Variants in ERAP2 observed in about 807,000 individuals in gnomAD.
The protein encoded by ERAP2 is leukocyte-derived arginine aminopeptidase.
ERAP2 carries 118 observed loss-of-function variants against 111.1 expected under a neutral mutation model. That is an observed-to-expected ratio of 1.06 (90% CI 0.92 to 1.24). ERAP2 has a LOEUF of 1.24. ERAP2 is among the 50% of genes most tolerant of loss of function. ERAP2 has a pLI of 0.00. For synonymous variants in ERAP2, 410 were observed against 401.2 expected, an observed-to-expected ratio of 1.02 and a Z score of -0.26; for missense variants, 1,131 against 1,125.8, an observed-to-expected ratio of 1.00 and a Z score of -0.07.
In ERAP2 at chr5:96,902,346, A is replaced by G; in HGVS notation, c.1821A>G (p.Ser607=). Residue 607 remains serine (S), a synonymous_variant, in exon 12 of 19, where the codon TCA becomes TCG. Coordinates refer to ENST00000437043, the MANE Select transcript of ERAP2 (RefSeq NM_022350.5). ...SNVIHRHILK[S]KTDTLDLPEK... ...TGATCCACAGACACATTCTAAAATC[A>G]AAGACAGGTAATGAACTAATTAGCC... 1.2e-6 allele frequency: 2 copies of G among 1,606,950 alleles called. No homozygotes were observed. The highest frequency in any genetic ancestry group is 1.7e-6 in the Non-Finnish European group (2 of 1,173,694).
At chr5:96,891,570 G>A (rs1784400609) in intron 5 of ERAP2, among the ~76,000 whole-genome samples, 1 of 128,116 alleles carries the variant, frequency 7.8e-6, no homozygotes. Context: ...ACACATATAT[G>A]GTACACACAC....
At position 96,879,691 on chromosome 5, in the gene ERAP2, C is replaced by T. The variant is rs1358129437; in HGVS notation, c.6C>T (p.Phe2=). 6.2e-7 allele frequency: 1 copy of T among 1,612,594 alleles called. No homozygotes were observed. The highest frequency in any genetic ancestry group is 1.3e-5 in the African/African-American group (1 of 75,002). The change falls in exon 2 of 19, where the codon TTC becomes TTT. Residue 2 remains phenylalanine, a synonymous_variant. Transcript: ENST00000437043. M[F]HSSAMVNSHR... ...TCTTCTAGAGAATAGATTTCATGTT[C>T]CATTCTTCTGCAATGGTTAATTCAC...
rs74486545 is a variant in ERAP2 at position 96,897,921 on chromosome 5, G to A, written c.1503+1058G>A. On this transcript the variant is annotated intron_variant, in intron 9 of 18. Transcript: ENST00000437043. ...AGTTTAAAGACACTTTCATGGCCGG[G>A]TACAATGGCTCACGCCTGTAATCCC... Among the ~76,000 whole-genome samples the A allele has an allele frequency of 1.2e-4, 18 of 152,272 alleles. No homozygotes were observed. The East Asian group carries it at 3.5e-3, about 29-fold the overall frequency.
At chr5:96,878,412 A>AATC (rs1338001244) in intron 1 of ERAP2, among the ~76,000 whole-genome samples, 3 of 151,590 alleles carry the variant, frequency 2.0e-5, no homozygotes, top group Non-Finnish European at 4.4e-5. Context: ...TAGTAATAAT[A>AATC]ATATCTGGTA....
chr5:96,876,357 T>C (rs1782525208), upstream of ERAP2: 1 of 152,344 alleles, frequency 6.6e-6, no homozygotes, highest in Non-Finnish European at 1.5e-5. Context: ...AAAAGTTTCT[T>C]GTCCTTTTTG....
intron 14 of ERAP2, 138 bp downstream of exon 14, chr5:96,909,255 C>G (rs1389462629): frequency 3.9e-6 from 3 of 770,830 alleles, no homozygotes. Context: ...ATGTAATGGT[C>G]AATGACCCTT....
intron 9 of ERAP2, among the ~76,000 whole-genome samples, chr5:96,898,327 G>A (rs956279045): frequency 2.0e-5 from 3 of 151,998 alleles, no homozygotes; most frequent in Admixed American, 6.6e-5. Context: ...TCCAACTGAT[G>A]TGTGATTTTG....
chr5:96,913,545 C>A, intron 17 of ERAP2, 88 bp downstream of exon 17: 1 of 1,442,364 alleles, frequency 6.9e-7, no homozygotes, highest in Non-Finnish European at 9.6e-7. Context: ...TTTCTCAAAG[C>A]ATATAAATAA....
chr5:96,913,344 G>A lies in ERAP2; in HGVS notation c.2544G>A (p.Lys848=). The change falls in exon 17 of 19, where the codon AAG becomes AAA. Residue 848 remains lysine, a synonymous_variant. Transcript: ENST00000437043. ...LKLIELGMEG[K]VIKTQNLAAL... is the part of the protein sequence containing the mutation. ...TAATTGAACTAGGAATGGAAGGAAA[G>A]GTTATCAAGACACAGAACTTGGCAG... is the stretch of plus-strand genomic sequence containing the variant. 2.5e-6 allele frequency: 4 copies of A among 1,614,058 alleles called. No homozygotes were observed. The highest frequency in any genetic ancestry group is 3.4e-6 in the Non-Finnish European group (4 of 1,179,966).
Position 96,889,275 on chromosome 5 carries a change from T to C in ERAP2, c.940T>C (p.Phe314Leu). 1.9e-6 allele frequency: 3 copies of C among 1,613,974 alleles called. No homozygotes were observed. The highest frequency in any genetic ancestry group is 1.7e-6 in the Non-Finnish European group (2 of 1,179,834). ...GCTACTTGATTTTTATGAAAAGTACTTTGATATCTACTATCCACTCTCCAA... is the reference window on the plus strand; with the variant it reads ...GCTACTTGATTTTTATGAAAAGTACCTTGATATCTACTATCCACTCTCCAA... ...LKLLDFYEKY[F>L]DIYYPLSKLD... Residue 314 changes from phenylalanine to leucine, a missense_variant, in exon 5 of 19, where the codon TTT (phenylalanine) becomes CTT (leucine). This residue lies in a region of ERAP2 where 847 missense variants were observed against 856.5 expected (regional missense o/e 0.99). Coordinates refer to ENST00000437043, the MANE Select transcript of ERAP2 (RefSeq NM_022350.5).
intron 7 of ERAP2, among the ~76,000 whole-genome samples, chr5:96,895,677 C>G (rs1480115875): frequency 3.3e-5 from 5 of 152,164 alleles, no homozygotes; most frequent in African/African-American, 1.2e-4. Context: ...CTCATGGCTA[C>G]TAGGTACTAT....
At chr5:96,907,604 G>A (rs879492197) in intron 13 of ERAP2, among the ~76,000 whole-genome samples, 12 of 151,006 alleles carry the variant, frequency 7.9e-5, no homozygotes, top group Middle Eastern at 3.4e-3. Context: ...CAGACTAGCC[G>A]GGCCAGGTGG....
At chr5:96,916,776 T>G (rs1787460151) in intron 18 of ERAP2, among the ~76,000 whole-genome samples, 1 of 151,434 alleles carries the variant, frequency 6.6e-6, no homozygotes, top group Non-Finnish European at 1.5e-5. Context: ...TTTTTTTTTT[T>G]TTTAAAGCAT....
chr5:96,879,291 T>C (rs1581779128), intron 1 of ERAP2, among the ~76,000 whole-genome samples: 2 of 152,200 alleles, frequency 1.3e-5, no homozygotes, highest in South Asian at 4.1e-4. Context: ...ATGCAATGAA[T>C]TTACACACCT....
At chr5:96,911,906 A>G (rs1331161208) in intron 15 of ERAP2, among the ~76,000 whole-genome samples, 2 of 150,302 alleles carry the variant, frequency 1.3e-5, no homozygotes, top group Non-Finnish European at 3.0e-5. Context: ...AAAGAAAAAA[A>G]TGGCCGGGCG....
At chr5:96,881,349 G>T in intron 2 of ERAP2, 1 of 450,930 alleles carries the variant, frequency 2.2e-6, no homozygotes, top group South Asian at 1.6e-5. Context: ...ATTGAACTTG[G>T]CAGTTATTTT....
chr5:96,890,168 T>C (rs563985947), intron 5 of ERAP2, among the ~76,000 whole-genome samples: 2 of 152,262 alleles, frequency 1.3e-5, no homozygotes, highest in African/African-American at 2.4e-5. Context: ...TTTTAGAAGG[T>C]TGTAGAGAAG....
intron 15 of ERAP2, 75 bp from the exon 16 acceptor site, chr5:96,912,562 G>A (rs994560081): frequency 1.9e-6 from 2 of 1,078,552 alleles, no homozygotes; most frequent in African/African-American, 3.2e-5. Context: ...TTGTGTTATA[G>A]GACTTAAAAT....
chr5:96,880,474 C>T (rs1783012873), intron 2 of ERAP2, among the ~76,000 whole-genome samples: 1 of 152,106 alleles, frequency 6.6e-6, no homozygotes, highest in African/African-American at 2.4e-5. Flanking sequence ...GGGTGAATAA[C>T]TAGGAGGAGA....
Sources: gnomAD v4.1 joint callset for allele counts (sites outside exome capture counted in the v4.1 genomes callset) on GRCh38, gnomAD v4.1.1 for gene constraint, gnomAD v4.1.1 regional missense constraint, MANE v1.5 for transcripts, NCBI Gene and HGNC (gene_info 2026-07-23, HGNC 2026-07-21) for gene names.